Variants in TSC22D1 observed in about 807,000 individuals in gnomAD.
The protein encoded by TSC22D1 is TSC22 domain family protein 1.
Under a neutral mutation model 74.2 loss-of-function variants are expected in TSC22D1, and 9 were observed. The observed-to-expected ratio is 0.12, with a 90% confidence interval of 0.07 to 0.21. The LOEUF is 0.21. TSC22D1 is among the 10% of genes least tolerant of loss of function. The pLI is 1.00. For missense variants in TSC22D1, 1,427 were observed against 1,304.7 expected, an observed-to-expected ratio of 1.09 and a Z score of -1.44; for synonymous variants, 586 against 492.5, an observed-to-expected ratio of 1.19 and a Z score of -2.51.
Position 44,575,228 on chromosome 13 carries a change from T to C in TSC22D1, c.847A>G (p.Ser283Gly), listed in dbSNP as rs1188891398. Reference sequence around the variant, plus strand: ...GTCATTACAGATGCAGGTGAACCACTGGATGATACAGCAGAAGTTGGTGCA... The same window carrying C: ...GTCATTACAGATGCAGGTGAACCACCGGATGATACAGCAGAAGTTGGTGCA... Reference protein sequence around the residue: ...PVAPTSAVSSSGSPASVMTNM... With the variant: ...PVAPTSAVSSGGSPASVMTNM... The change falls in exon 1 of 3, where the codon AGT becomes GGT. Residue 283 changes from serine (S) to glycine (G), a missense_variant. By Grantham distance (56) the Ser-to-Gly change is moderately conservative (BLOSUM62 0). Transcript: ENST00000458659. 1.9e-6 allele frequency: 3 copies of C among 1,613,946 alleles called. No homozygotes were observed. Among genetic ancestry groups the C allele is most frequent in the Non-Finnish European group, 2.5e-6 (3 of 1,180,054 alleles).
chr13:44,491,860 T>A (rs1242711087), intron 1 of TSC22D1, among the ~76,000 whole-genome samples: 1 of 152,220 alleles, frequency 6.6e-6, no homozygotes, highest in Non-Finnish European at 1.5e-5. Flanking sequence ...GAACAATCAT[T>A]GTAGAAAACA....
intron 1 of TSC22D1, among the ~76,000 whole-genome samples, chr13:44,445,373 T>C (rs1875555238): frequency 2.7e-5 from 4 of 150,060 alleles, no homozygotes; most frequent in Admixed American, 2.7e-4. Context: ...CCATATGAAA[T>C]ATTAACTTAA....
chr13:44,549,248 G>A (rs1480446325), intron 1 of TSC22D1, among the ~76,000 whole-genome samples: 1 of 152,160 alleles, frequency 6.6e-6, no homozygotes, highest in East Asian at 1.9e-4. Context: ...ATCTGCAGAA[G>A]CAATCAACAT....
intron 1 of TSC22D1, among the ~76,000 whole-genome samples, chr13:44,440,966 GT>G (rs994616636): frequency 2.0e-5 from 3 of 152,188 alleles, no homozygotes; most frequent in Non-Finnish European, 2.9e-5. Flanking sequence ...AGAGAAAAGA[GT>G]TTTTTTATCC....
rs1163619747 is a variant in TSC22D1, at chr13:44,434,670, G to A, written c.3178C>T (p.Pro1060Ser). The A allele has an allele frequency of 4.4e-6, 7 of 1,602,518 alleles. No homozygotes were observed. Among genetic ancestry groups the A allele is most frequent in the Non-Finnish European group, 6.0e-6 (7 of 1,175,144 alleles). Residue 1060 changes from proline (P) to serine (S), a missense_variant, in exon 3 of 3, where the codon CCC (proline) becomes TCC (serine). Coordinates refer to ENST00000458659, the MANE Select transcript of TSC22D1 (RefSeq NM_183422.4). Reference sequence around the variant, plus strand: ...CCCTGCGATGCTGGCTGGGCGGGGGGCTGTGTGGTGCCCTGTGGCTGGGTG... The same window carrying A: ...CCCTGCGATGCTGGCTGGGCGGGGGACTGTGTGGTGCCCTGTGGCTGGGTG... ...ATTQPQGTTQ[P>S]PAQPASQGSG...
At chr13:44,504,177 G>GA (rs1431866976) in intron 1 of TSC22D1, among the ~76,000 whole-genome samples, 2 of 149,532 alleles carry the variant, frequency 1.3e-5, no homozygotes, top group African/African-American at 4.9e-5. Context: ...CTTGAAGCCA[G>GA]AAAAAGCAAG....
At chr13:44,511,651 C>CAT (rs3046036) in intron 1 of TSC22D1, among the ~76,000 whole-genome samples, 2 of 149,440 alleles carry the variant, frequency 1.3e-5, no homozygotes, top group African/African-American at 4.9e-5. Flanking sequence ...CACACACACA[C>CAT]TTTTTTGTTG....
chr13:44,477,197 C>A (rs917153331), intron 1 of TSC22D1, among the ~76,000 whole-genome samples: 1 of 152,156 alleles, frequency 6.6e-6, no homozygotes, highest in Non-Finnish European at 1.5e-5. Flanking sequence ...AAGTGATCCA[C>A]CCGCCTTGGC....
rs116930582 is a variant in TSC22D1, at chr13:44,569,488, C to T, written c.2912+3675G>A. Among the ~76,000 whole-genome samples, 779 of 152,114 alleles carry T rather than the reference C, an allele frequency of 5.1e-3. 1 individual carries two copies. Among genetic ancestry groups the T allele is most frequent in the Non-Finnish European group, 8.6e-3 (582 of 67,984 alleles). ...GAAAACCATTTAAACTATCTTTAAA[C>T]TGTGCATGTACATCTTGAAAAAAAA... On this transcript the variant is annotated intron_variant, in intron 1 of 2. Transcript: ENST00000458659.
upstream of TSC22D1, chr13:44,576,619 C>G (rs1191879537): frequency 1.3e-5 from 2 of 152,422 alleles, no homozygotes; most frequent in African/African-American, 4.8e-5. Flanking sequence ...AACCTCCCCT[C>G]CCGGCCCCGC....
Position 44,573,694 on chromosome 13 carries a change from C to A in TSC22D1, c.2381G>T (p.Ser794Ile). Reference protein sequence around the residue: ...LPQQLVIASQSSLLTVPPQPQ... With the variant: ...LPQQLVIASQISLLTVPPQPQ... Reference sequence around the variant, plus strand: ...CTGGGGAGGCACAGTTAACAAGGAACTTTGGGATGCAATAACCAATTGTTG... The same window carrying A: ...CTGGGGAGGCACAGTTAACAAGGAAATTTGGGATGCAATAACCAATTGTTG... Residue 794 changes from serine to isoleucine, a missense_variant, in exon 1 of 3, where the codon AGT becomes ATT. Transcript: ENST00000458659. 6.2e-7 allele frequency: 1 copy of A among 1,614,204 alleles called. No homozygotes were observed. Among genetic ancestry groups the A allele is most frequent in the Non-Finnish European group, 8.5e-7 (1 of 1,180,044 alleles).
intron 1 of TSC22D1, among the ~76,000 whole-genome samples, chr13:44,470,829 G>C (rs371185478): frequency 5.9e-5 from 9 of 152,228 alleles, no homozygotes; most frequent in African/African-American, 1.4e-4. Context: ...GCAAGTTGAC[G>C]TCAGACCCAG....
intron 1 of TSC22D1, among the ~76,000 whole-genome samples, chr13:44,473,250 G>A (rs988231739): frequency 3.3e-5 from 5 of 152,112 alleles, no homozygotes; most frequent in Non-Finnish European, 5.9e-5. Context: ...ATCCCAGCAC[G>A]TTGGGAGGCC....
At chr13:44,557,587 G>C (rs1158461544) in intron 1 of TSC22D1, among the ~76,000 whole-genome samples, 1 of 152,168 alleles carries the variant, frequency 6.6e-6, no homozygotes, top group Non-Finnish European at 1.5e-5. Flanking sequence ...TTCCCCAAGT[G>C]AGTTCACAGG....
At chr13:44,541,779 T>C (rs890714715) in intron 1 of TSC22D1, among the ~76,000 whole-genome samples, 32 of 152,250 alleles carry the variant, frequency 2.1e-4, no homozygotes, top group Admixed American at 2.0e-3. Context: ...AACACCCTAG[T>C]AGATTAACAA....
chr13:44,465,477 C>T (rs986369537), intron 1 of TSC22D1, among the ~76,000 whole-genome samples: 2 of 152,154 alleles, frequency 1.3e-5, no homozygotes, highest in Non-Finnish European at 2.9e-5. Flanking sequence ...TACAGATGTT[C>T]AGGCTCATGC....
At chr13:44,527,815 T>C (rs947059270) in intron 1 of TSC22D1, among the ~76,000 whole-genome samples, 1 of 152,082 alleles carries the variant, frequency 6.6e-6, no homozygotes, top group Non-Finnish European at 1.5e-5. Context: ...AAACCCATTT[T>C]AAATATAAAA....
rs1294959024 is a variant in TSC22D1 at position 44,504,254 on chromosome 13, A to G, written c.2913-68159T>C. Among the ~76,000 whole-genome samples the G allele has an allele frequency of 1.1e-4, 16 of 139,206 alleles. No individual in the cohort carries two copies. The Admixed American group carries it at 1.3e-3, about 11-fold the overall frequency. 91.3% of individuals were successfully genotyped at this position (139,206 alleles called of 152,430 possible). A position where few individuals can be genotyped will look rare whatever the true frequency, so the allele number is the denominator to read the frequency against. Reference sequence around the variant, plus strand: ...CCCCGGAAACCAAATATCACTCTACATTTCACCTGTAGTCTAGTTTTAGAG... The same window carrying G: ...CCCCGGAAACCAAATATCACTCTACGTTTCACCTGTAGTCTAGTTTTAGAG... On this transcript the variant is annotated intron_variant, in intron 1 of 2. Coordinates refer to ENST00000458659, the MANE Select transcript of TSC22D1 (RefSeq NM_183422.4).
intron 1 of TSC22D1, among the ~76,000 whole-genome samples, chr13:44,440,587 C>CA (rs67344848): frequency 0.05 from 3,382 of 67,560 alleles, 154 homozygotes; most frequent in African/African-American, 0.11. Context: ...GGCTCTGTCT[C>CA]AAAAAAAAAA....
Sources: gnomAD v4.1 joint callset for allele counts (sites outside exome capture counted in the v4.1 genomes callset) on GRCh38, gnomAD v4.1.1 for gene constraint, MANE v1.5 for transcripts, NCBI Gene and HGNC (gene_info 2026-07-23, HGNC 2026-07-21) for gene names.